Variants in GNAL observed in about 807,000 individuals in gnomAD.
The protein encoded by GNAL is G protein subunit alpha L, also known as guanine nucleotide-binding protein G(olf) subunit alpha.
Under a neutral mutation model 55.1 loss-of-function variants are expected in GNAL, and 18 were observed. The ratio of observed to expected loss-of-function variants is 0.33; its 90% CI spans 0.23 to 0.48. The LOEUF is 0.48. GNAL is among the 20% of genes least tolerant of loss of function. The probability of loss-of-function intolerance (pLI) is 0.99; values close to 1 mark genes in which losing one functional copy is unlikely to be tolerated. For synonymous variants in GNAL, 253 were observed against 237.0 expected (o/e 1.07, Z -0.62); for missense variants, 412 against 614.1 (o/e 0.67, Z 3.48).
In GNAL at chr18:11,787,641, G is replaced by T. The variant is rs140823473; in HGVS notation, c.624+33696G>T. The stretch of plus-strand genomic sequence containing the variant: ...TGTAATCCTAGCACTTTGGGAGGCC[G>T]AGGTGGGCGGATCACGAGGTCAGGA... On this transcript the variant is annotated intron_variant, in intron 4 of 11. Coordinates refer to ENST00000334049, the MANE Select transcript of GNAL (RefSeq NM_182978.4). Among the ~76,000 whole-genome samples the T allele has an allele frequency of 4.5e-3, 687 of 152,302 alleles. 6 individuals carry two copies. Among genetic ancestry groups the T allele is most frequent in the African/African-American group, 0.015 (641 of 41,566 alleles).
intron 1 of GNAL, among the ~76,000 whole-genome samples, chr18:11,732,072 T>C (rs971833363): frequency 3.9e-5 from 6 of 152,252 alleles, no homozygotes; most frequent in Admixed American, 3.9e-4. Flanking sequence ...ATATTTTGTC[T>C]ATTTATCATT....
chr18:11,868,672 A>G lies in GNAL; in HGVS notation c.1031+9A>G. On this transcript the variant is annotated intron_variant, in intron 9 of 11. Coordinates refer to ENST00000334049, the MANE Select transcript of GNAL (RefSeq NM_182978.4). This position sits in a 1 kb window ranked among gnomAD's most constrained non-coding sequence, Gnocchi z 4.0. ...AGCATCTGGAACAACAGGTGACAAA[A>G]ATAGCAAATTCAGTCTTACCATTGG... The G allele has an allele frequency of 6.3e-7, 1 of 1,599,088 alleles. No individual in the cohort carries two copies. The highest frequency in any genetic ancestry group is 8.5e-7 in the Non-Finnish European group (1 of 1,175,250).
chr18:11,726,551 C>A (rs924439973), intron 1 of GNAL, among the ~76,000 whole-genome samples: 1 of 152,228 alleles, frequency 6.6e-6, no homozygotes, highest in South Asian at 2.1e-4. Flanking sequence ...CACCTCCTCG[C>A]GCCCTGGGGT....
At chr18:11,807,019 C>T (rs2034681455) in intron 4 of GNAL, among the ~76,000 whole-genome samples, 2 of 151,978 alleles carry the variant, frequency 1.3e-5, no homozygotes, top group African/African-American at 2.4e-5. Flanking sequence ...ATTAGCCGGG[C>T]ATGGTGGCGC....
At chr18:11,796,918 C>A (rs1168607857) in intron 4 of GNAL, among the ~76,000 whole-genome samples, 1 of 151,906 alleles carries the variant, frequency 6.6e-6, no homozygotes, top group Non-Finnish European at 1.5e-5. Context: ...TAGCTTTTTA[C>A]AGCTCTCTGG....
At chr18:11,738,602 C>T (rs556350331) in intron 1 of GNAL, among the ~76,000 whole-genome samples, 1 of 152,216 alleles carries the variant, frequency 6.6e-6, no homozygotes, top group East Asian at 1.9e-4. Context: ...CGCCCACCAC[C>T]ACACCTAGCT....
rs182721651 is a variant in GNAL, at chr18:11,843,947, T to C, written c.723-18448T>C. ...GAGATTGTGCCATTGCACTCCAGCC[T>C]GGGCAACGGGAGTGAAACTCCATCT... is the stretch of plus-strand genomic sequence containing the variant. On this transcript the variant is annotated intron_variant, in intron 5 of 11. Coordinates refer to ENST00000334049, the MANE Select transcript of GNAL (RefSeq NM_182978.4). Among the ~76,000 whole-genome samples, 210 of 152,000 alleles carry C rather than the reference T, an allele frequency of 1.4e-3. 2 individuals carry two copies. Among genetic ancestry groups the C allele is most frequent in the African/African-American group, 4.8e-3 (198 of 41,444 alleles).
chr18:11,830,819 A>G (rs1235197188), intron 5 of GNAL, among the ~76,000 whole-genome samples: 1 of 152,254 alleles, frequency 6.6e-6, no homozygotes, highest in Non-Finnish European at 1.5e-5. Context: ...GTGCTGACAC[A>G]TACTACAACA....
chr18:11,826,586 G>A (rs1013309432), intron 5 of GNAL, among the ~76,000 whole-genome samples: 2 of 152,192 alleles, frequency 1.3e-5, no homozygotes, highest in African/African-American at 2.4e-5. Flanking sequence ...GAGACCCTGT[G>A]GGGTGCCTTG....
At chr18:11,797,791 T>G in intron 4 of GNAL, among the ~76,000 whole-genome samples, 1 of 150,808 alleles carries the variant, frequency 6.6e-6, no homozygotes, top group East Asian at 1.9e-4. Context: ...AAGAAAGAAA[T>G]GAATCTGATA....
chr18:11,710,516 T>A (rs147296535), intron 1 of GNAL, among the ~76,000 whole-genome samples: 2,584 of 152,272 alleles, frequency 0.017, 55 homozygotes, highest in African/African-American at 0.052. Flanking sequence ...ATATGCTTTC[T>A]TGTTGCTGTT....
intron 11 of GNAL, among the ~76,000 whole-genome samples, chr18:11,880,137 A>C (rs143743482): frequency 2.0e-5 from 3 of 149,670 alleles, no homozygotes; most frequent in Non-Finnish European, 4.4e-5. Context: ...CACGCCTGTA[A>C]TCCCAGCTAC....
intron 1 of GNAL, among the ~76,000 whole-genome samples, chr18:11,712,713 G>A (rs969413938): frequency 5.3e-5 from 8 of 152,090 alleles, no homozygotes; most frequent in Admixed American, 3.3e-4. Flanking sequence ...TAGCAAGCAC[G>A]GATTCTTAGT....
chr18:11,884,183 C>A lies in GNAL; in HGVS notation c.*3048C>A. 5.0e-6 allele frequency: 2 copies of A among 402,350 alleles called. No individual in the cohort carries two copies. The highest frequency in any genetic ancestry group is 4.3e-5 in the East Asian group (1 of 23,142). The allele number at this position is 402,350 out of a possible 1,614,324, so 24.9% of individuals were successfully genotyped here. A position where few individuals can be genotyped will look rare whatever the true frequency, so the allele number is the denominator to read the frequency against. On this transcript the variant is annotated 3_prime_UTR_variant, in exon 12 of 12. Coordinates refer to ENST00000334049, the MANE Select transcript of GNAL (RefSeq NM_182978.4). Reference sequence around the variant, plus strand: ...TGACGACATTAATAGCATTTACATACTGTACAGATGCAACCTTTGATGATA... The same window carrying A: ...TGACGACATTAATAGCATTTACATAATGTACAGATGCAACCTTTGATGATA...
intron 4 of GNAL, among the ~76,000 whole-genome samples, chr18:11,764,707 A>G (rs1410399002): frequency 1.3e-5 from 2 of 152,156 alleles, no homozygotes; most frequent in African/African-American, 2.4e-5. Context: ...CCTGGGAGGC[A>G]GAGGTCACAG....
chr18:11,716,233 G>A (rs1178854739), intron 1 of GNAL, among the ~76,000 whole-genome samples: 5 of 152,216 alleles, frequency 3.3e-5, no homozygotes, highest in South Asian at 2.1e-4. Context: ...GAATGAAGCC[G>A]CGGACCCTCG....
chr18:11,739,442 C>T (rs757486915), intron 1 of GNAL, among the ~76,000 whole-genome samples: 17 of 152,080 alleles, frequency 1.1e-4, no homozygotes, highest in Non-Finnish European at 1.8e-4. Context: ...CCTTAGGTGA[C>T]CATGGTACGG....
intron 5 of GNAL, among the ~76,000 whole-genome samples, chr18:11,835,441 A>AT: frequency 6.6e-6 from 1 of 152,182 alleles, no homozygotes; most frequent in Non-Finnish European, 1.5e-5. Context: ...AGCCTAGGCA[A>AT]TGTAGCAAGA....
intron 4 of GNAL, among the ~76,000 whole-genome samples, chr18:11,806,588 AAG>A (rs1337260395): frequency 2.0e-5 from 3 of 152,214 alleles, no homozygotes; most frequent in Non-Finnish European, 2.9e-5. Flanking sequence ...CGAAGGAAGA[AAG>A]AAACTGTGTG....
Sources: gnomAD v4.1 joint callset for allele counts (sites outside exome capture counted in the v4.1 genomes callset) on GRCh38, gnomAD v4.1.1 for gene constraint, Gnocchi (gnomAD v3.1) non-coding constraint, MANE v1.5 for transcripts, NCBI Gene and HGNC (gene_info 2026-07-23, HGNC 2026-07-21) for gene names.